Variants in RYR3 observed in about 807,000 individuals in gnomAD.
RYR3 encodes ryanodine receptor 3.
A neutral mutation model predicts 584.3 loss-of-function variants in RYR3; 207 were observed. That is an observed-to-expected ratio of 0.35 (90% CI 0.32 to 0.40). The LOEUF (loss-of-function observed/expected upper bound fraction) is 0.40. Ranked by LOEUF, RYR3 falls within the 10% of genes least tolerant of loss-of-function variation. The probability of loss-of-function intolerance (pLI) is 1.00; values close to 1 mark genes in which losing one functional copy is unlikely to be tolerated. For synonymous variants in RYR3, 2,416 were observed against 2,248.5 expected, an observed-to-expected ratio of 1.07 and a Z score of -2.11; for missense variants, 5,616 against 6,089.2, an observed-to-expected ratio of 0.92 and a Z score of 2.59.
At chr15:33,348,865 C>T (rs533808614) in intron 1 of RYR3, among the ~76,000 whole-genome samples, 54 of 152,200 alleles carry the variant, frequency 3.5e-4, no homozygotes, top group African/African-American at 1.2e-3. Flanking sequence ...GTCATGTATC[C>T]ACTATTGCAG....
chr15:33,812,294 C>A (rs2076594961), intron 72 of RYR3, among the ~76,000 whole-genome samples: 1 of 151,798 alleles, frequency 6.6e-6, no homozygotes, highest in Admixed American at 6.6e-5. Flanking sequence ...GATTACAAAG[C>A]ACATCAGGAA....
chr15:33,463,812 G>T (rs145202773), intron 1 of RYR3, among the ~76,000 whole-genome samples: 56 of 152,272 alleles, frequency 3.7e-4, no homozygotes, highest in African/African-American at 1.3e-3. Flanking sequence ...AAGTTGTAAA[G>T]AGGAATTACA....
chr15:33,529,161 A>G (rs909013456), intron 3 of RYR3, among the ~76,000 whole-genome samples: 3 of 152,238 alleles, frequency 2.0e-5, no homozygotes, highest in Non-Finnish European at 4.4e-5. Context: ...AAATTTTAAA[A>G]TATTGTGAAG....
chr15:33,705,921 G>T (rs775453329), intron 42 of RYR3, among the ~76,000 whole-genome samples: 3 of 152,182 alleles, frequency 2.0e-5, no homozygotes, highest in African/African-American at 4.8e-5. Context: ...TGTCTCCCCA[G>T]ATGTACGCTA....
At position 33,853,656 on chromosome 15, in the gene RYR3, A is replaced by G. The variant is rs755140779; in HGVS notation, c.13773A>G (p.Lys4591=). ...ACTTTAGCCCAGTAGAAGAGACCAA[A>G]GCAGAAGCGGCTTCTCTGGTGTCAT... ...ALDFSPVEET[K]AEAASLVSWL... Residue 4591 remains lysine, a synonymous_variant, in exon 96 of 104, where the codon AAA becomes AAG. Transcript: ENST00000634891. The G allele has an allele frequency of 1.9e-6, 3 of 1,613,944 alleles. No individual in the cohort carries two copies. In the South Asian group the frequency reaches 3.3e-5, roughly 18 times the overall value.
At chr15:33,533,826 T>C (rs2055086688) in intron 5 of RYR3, among the ~76,000 whole-genome samples, 1 of 152,246 alleles carries the variant, frequency 6.6e-6, no homozygotes, top group Non-Finnish European at 1.5e-5. Context: ...GTTTTCCAAA[T>C]GTTATTGACA....
In RYR3 at chr15:33,768,715, A is replaced by G; in HGVS notation, c.8755+8A>G. 6.2e-7 allele frequency: 1 copy of G among 1,613,586 alleles called. No homozygotes were observed. The highest frequency in any genetic ancestry group is 8.5e-7 in the Non-Finnish European group (1 of 1,179,504). ...ACAGAATTTCCCTCTTTGGTAAGTG[A>G]AGTGTTGCTCAAGGTACCGCTCCTC... On this transcript the variant is annotated splice_region_variant and intron_variant, in intron 61 of 103. Coordinates refer to ENST00000634891, the MANE Select transcript of RYR3 (RefSeq NM_001036.6).
At chr15:33,560,226 C>G (rs780854168) in intron 10 of RYR3, among the ~76,000 whole-genome samples, 2 of 152,144 alleles carry the variant, frequency 1.3e-5, no homozygotes, top group Non-Finnish European at 2.9e-5. Context: ...ACTGATTCAT[C>G]ATTATTGTTT....
At chr15:33,610,733 A>G (rs867793770) in intron 18 of RYR3, among the ~76,000 whole-genome samples, 4 of 152,216 alleles carry the variant, frequency 2.6e-5, no homozygotes, top group Admixed American at 1.3e-4. Context: ...GAATATTTGC[A>G]TATGCATAAT....
At chr15:33,466,020 A>T (rs982197758) in intron 1 of RYR3, among the ~76,000 whole-genome samples, 1 of 152,206 alleles carries the variant, frequency 6.6e-6, no homozygotes, top group Non-Finnish European at 1.5e-5. Context: ...CTGATTTTGG[A>T]TATAGTAAGC....
At chr15:33,793,121 G>A (rs12901888) in intron 67 of RYR3, among the ~76,000 whole-genome samples, 94,479 of 151,942 alleles carry the variant, frequency 0.62, 30,319 homozygotes, top group East Asian at 0.96. Context: ...TCAGGAAAGC[G>A]CATTAATAAT....
chr15:33,821,830 A>G (rs867728608), intron 80 of RYR3, among the ~76,000 whole-genome samples: 1 of 152,272 alleles, frequency 6.6e-6, no homozygotes, highest in Non-Finnish European at 1.5e-5. Flanking sequence ...AGGATTAAAG[A>G]TAAAAACATT....
intron 14 of RYR3, among the ~76,000 whole-genome samples, chr15:33,582,542 A>C (rs2058647278): frequency 1.3e-5 from 2 of 152,194 alleles, no homozygotes. Flanking sequence ...CCTAACAATT[A>C]TTGATCTCTT....
At chr15:33,344,288 A>G (rs1300295974) in intron 1 of RYR3, among the ~76,000 whole-genome samples, 1 of 152,180 alleles carries the variant, frequency 6.6e-6, no homozygotes, top group East Asian at 1.9e-4. Context: ...TGGTTGAACA[A>G]ATGTGTTTTG....
intron 1 of RYR3, among the ~76,000 whole-genome samples, chr15:33,360,171 T>C (rs1974562383): frequency 2.0e-5 from 3 of 152,202 alleles, no homozygotes; most frequent in Middle Eastern, 3.4e-3. Context: ...AATGCAAAAA[T>C]AGTGCCCATT....
At chr15:33,639,785 T>C (rs1253776610) in intron 27 of RYR3, among the ~76,000 whole-genome samples, 1 of 152,240 alleles carries the variant, frequency 6.6e-6, no homozygotes. Flanking sequence ...TATATGCCTT[T>C]ATCTGCTTCA....
chr15:33,622,521 T>C (rs1017111703), intron 19 of RYR3, among the ~76,000 whole-genome samples: 1 of 152,200 alleles, frequency 6.6e-6, no homozygotes, highest in Non-Finnish European at 1.5e-5. Flanking sequence ...CAATCAGTAA[T>C]TAACGCCTAT....
At position 33,700,983 on chromosome 15, in the gene RYR3, C is replaced by G. The variant is rs760346507; in HGVS notation, c.6386C>G (p.Pro2129Arg). Residue 2129 changes from proline to arginine, a missense_variant, in exon 42 of 104, where the codon CCG (proline) becomes CGG (arginine). Pro to Arg is a moderately radical substitution (Grantham distance 103, BLOSUM62 -2). Around this residue, in one of 9 missense-constraint regions of RYR3, gnomAD observed 1,280 missense variants for 1,426.2 expected, o/e 0.90. Coordinates refer to ENST00000634891, the MANE Select transcript of RYR3 (RefSeq NM_001036.6). ...LENSSVGLAS[P>R]SMRGSTPLDV... ...TTCTCCCCTCCTCCCTCAGCCTCCC[C>G]GTCGATGAGGGGATCCACCCCGCTG... The G allele has an allele frequency of 1.9e-6, 3 of 1,611,882 alleles. No individual in the cohort carries two copies. The highest frequency in any genetic ancestry group is 2.7e-5 in the African/African-American group (2 of 74,908).
At chr15:33,546,542 A>G (rs566090568) in intron 8 of RYR3, among the ~76,000 whole-genome samples, 2 of 152,290 alleles carry the variant, frequency 1.3e-5, no homozygotes, top group African/African-American at 4.8e-5. Flanking sequence ...TTGTTGATGT[A>G]ATGTTTCATT....
Sources: allele counts gnomAD v4.1 joint callset (sites outside exome capture counted in the v4.1 genomes callset), GRCh38; gene constraint gnomAD v4.1.1; regional missense constraint gnomAD v4.1.1; transcripts MANE v1.5; gene names NCBI Gene and HGNC (gene_info 2026-07-23, HGNC 2026-07-21).